The following ANKRD28 variants were observed in gnomAD, a reference collection of about 807,000 sequenced individuals.
The protein encoded by ANKRD28 is serine/threonine-protein phosphatase 6 regulatory ankyrin repeat subunit A.
ANKRD28 carries 44 observed loss-of-function variants against 126.5 expected under a neutral mutation model. The ratio of observed to expected loss-of-function variants is 0.35; its 90% confidence interval spans 0.27 to 0.45. The LOEUF is 0.45. Among genes scored for constraint, ANKRD28 ranks in the 20% least tolerant of loss-of-function variants. ANKRD28 has a pLI of 1.00. For synonymous variants in ANKRD28, 442 were observed against 468.5 expected (o/e 0.94, Z 0.73); for missense variants, 1,110 against 1,316.6 (o/e 0.84, Z 2.43).
intron 3 of ANKRD28, among the ~76,000 whole-genome samples, chr3:15,759,837 T>G (rs2058359112): frequency 6.6e-6 from 1 of 152,220 alleles, no homozygotes; most frequent in Admixed American, 6.5e-5. Context: ...GTGTCCCATT[T>G]GCTCCTTTCT....
chr3:15,787,946 A>G (rs894661700), intron 2 of ANKRD28, among the ~76,000 whole-genome samples: 1 of 152,222 alleles, frequency 6.6e-6, no homozygotes, highest in Non-Finnish European at 1.5e-5. Flanking sequence ...TCAGAAGCCA[A>G]TAAGCAGAAT....
At chr3:15,787,005 T>C (rs766085941) in intron 2 of ANKRD28, among the ~76,000 whole-genome samples, 1 of 152,108 alleles carries the variant, frequency 6.6e-6, no homozygotes, top group Non-Finnish European at 1.5e-5. Flanking sequence ...GATGAAAAGA[T>C]CTCATTTATT....
chr3:15,788,297 T>C (rs978700723), intron 2 of ANKRD28, among the ~76,000 whole-genome samples: 1 of 152,162 alleles, frequency 6.6e-6, no homozygotes, highest in Non-Finnish European at 1.5e-5. Context: ...ATAACTATTT[T>C]AGAGAGAAAC....
rs1300669392 is a variant in ANKRD28 at position 15,839,222 on chromosome 3, C to G, written c.27+20155G>C. ...TTAAATTTACTGAAAACAAATTGCACTCAAGACATTTTATGAATTTTATGG... is the reference window on the plus strand; with the variant it reads ...TTAAATTTACTGAAAACAAATTGCAGTCAAGACATTTTATGAATTTTATGG... On this transcript the variant is annotated intron_variant, in intron 1 of 27. Coordinates refer to the ANKRD28 transcript ENST00000399451. The surrounding 1 kb of genome is among the most constrained non-coding windows in gnomAD (Gnocchi z 4.3). Among the ~76,000 whole-genome samples, 1 of 151,906 alleles carries G rather than the reference C, an allele frequency of 6.6e-6. No homozygotes were observed. The highest frequency in any genetic ancestry group is 1.5e-5 in the Non-Finnish European group (1 of 68,012).
chr3:15,755,242 C>T (rs896795002), intron 3 of ANKRD28, among the ~76,000 whole-genome samples: 4 of 152,158 alleles, frequency 2.6e-5, no homozygotes, highest in African/African-American at 7.2e-5. Flanking sequence ...GAAATCAGGG[C>T]TATATCTGAG....
intron 2 of ANKRD28, among the ~76,000 whole-genome samples, chr3:15,774,380 C>T (rs962835863): frequency 3.3e-5 from 5 of 152,012 alleles, no homozygotes; most frequent in African/African-American, 7.3e-5. Flanking sequence ...AACTTGAATT[C>T]GGAATATATA....
chr3:15,745,670 T>C (rs1025638154), intron 4 of ANKRD28, among the ~76,000 whole-genome samples: 1 of 152,204 alleles, frequency 6.6e-6, no homozygotes, highest in African/African-American at 2.4e-5. Flanking sequence ...TCTTTTTGCT[T>C]AGTCTTGCTT....
chr3:15,859,643 C>T (rs567847712), exon 1 of ANKRD28: 1 of 166,636 alleles, frequency 6.0e-6, no homozygotes, highest in East Asian at 1.7e-4. Flanking sequence ...CCCGCCTCCT[C>T]CTCTGAGGAC....
chr3:15,696,212 A>G lies in ANKRD28; in HGVS notation c.1581T>C (p.Asn527=). ...ATCCTTGCTTATCACGGATCCCTGG[A>G]TTTGCATCGTTTCTTAATAAGTATT... ...CLEYLLRNDA[N]PGIRDKQGYN... is the part of the protein sequence containing the mutation. Residue 527 remains asparagine (N), a synonymous_variant, in exon 15 of 28, where the codon AAT becomes AAC. Transcript: ENST00000683139. The G allele has an allele frequency of 6.3e-7, 1 of 1,590,302 alleles. No individual in the cohort carries two copies. Among genetic ancestry groups the G allele is most frequent in the Non-Finnish European group, 8.6e-7 (1 of 1,166,064 alleles).
At chr3:15,687,201 C>T (rs962823004) in intron 18 of ANKRD28, among the ~76,000 whole-genome samples, 2 of 152,070 alleles carry the variant, frequency 1.3e-5, no homozygotes, top group Non-Finnish European at 2.9e-5. Context: ...CCTCGGCCTC[C>T]CAAAGTGCTG....
At chr3:15,766,674 T>C (rs948614639) in intron 2 of ANKRD28, among the ~76,000 whole-genome samples, 3 of 151,790 alleles carry the variant, frequency 2.0e-5, no homozygotes, top group Admixed American at 6.6e-5. Context: ...CCTGTCTCTA[T>C]TAAAAACAAA....
intron 1 of ANKRD28, among the ~76,000 whole-genome samples, chr3:15,810,560 ATAT>A (rs1350169834): frequency 6.6e-6 from 1 of 152,194 alleles, no homozygotes; most frequent in Non-Finnish European, 1.5e-5. Context: ...ATACTAAAAA[ATAT>A]TATATGGAAT....
In ANKRD28 at chr3:15,814,382, T is replaced by C. The variant is rs1000642922; in HGVS notation, c.28-19076A>G. On this transcript the variant is annotated intron_variant, in intron 1 of 27. Transcript: ENST00000399451. The surrounding 1 kb of genome is among the most constrained non-coding windows in gnomAD (Gnocchi z 4.7). ...AATTAAGGGCTATGTTATTTATAAATAACTAGTACCTTAACAAAACATTGA... is the reference window on the plus strand; with the variant it reads ...AATTAAGGGCTATGTTATTTATAAACAACTAGTACCTTAACAAAACATTGA... 9 of 732,784 alleles carry C rather than the reference T, an allele frequency of 1.2e-5. No individual in the cohort carries two copies. The African/African-American group carries it at 1.7e-4, about 14-fold the overall frequency. The allele number at this position is 732,784 out of a possible 1,614,324, so 45.4% of individuals were successfully genotyped here.
intron 6 of ANKRD28, chr3:15,731,879 G>T (rs1575430575): frequency 1.5e-5 from 2 of 136,476 alleles, no homozygotes; most frequent in Non-Finnish European, 3.1e-5. Context: ...AAAAAAGGGG[G>T]GGGGGGTGTG....
intron 2 of ANKRD28, among the ~76,000 whole-genome samples, chr3:15,793,935 T>C (rs2060151704): frequency 6.6e-6 from 1 of 152,160 alleles, no homozygotes; most frequent in Admixed American, 6.5e-5. Flanking sequence ...TCGGGCGTGG[T>C]GGCAGGTGCC....
chr3:15,782,166 A>T (rs1444337319), intron 2 of ANKRD28, among the ~76,000 whole-genome samples: 1 of 152,100 alleles, frequency 6.6e-6, no homozygotes, highest in East Asian at 1.9e-4. Context: ...TTTCCTCTCA[A>T]TTAGGAGTGA....
At position 15,796,438 on chromosome 3, in the gene ANKRD28, T is replaced by C; in HGVS notation, c.84A>G (p.Lys28=). ...TTCCAGAAGGTGGAGAATGTAGGGA[T>C]TTATTTTCCTGTGGCAATTTAGAAA... ...AFISKLPQEN[K]SLHSPPSGNV... Residue 28 remains lysine, a synonymous_variant, in exon 1 of 28, where the codon AAA becomes AAG. Transcript: ENST00000683139. 7.8e-7 allele frequency: 1 copy of C among 1,288,500 alleles called. No individual in the cohort carries two copies. The highest frequency in any genetic ancestry group is 1.0e-6 in the Non-Finnish European group (1 of 987,988). The allele number at this position is 1,288,500 out of a possible 1,614,324, so 79.8% of individuals were successfully genotyped here.
At chr3:15,808,767 GTTTGTT>G (rs1279651919) in intron 1 of ANKRD28, among the ~76,000 whole-genome samples, 1 of 152,022 alleles carries the variant, frequency 6.6e-6, no homozygotes, top group East Asian at 1.9e-4. Context: ...TTGTTTGTTT[GTTTGTT>G]TTTAATTGTT....
chr3:15,703,401 T>C (rs1005624404), intron 14 of ANKRD28, among the ~76,000 whole-genome samples: 4 of 152,208 alleles, frequency 2.6e-5, no homozygotes, highest in Non-Finnish European at 5.9e-5. Flanking sequence ...GGTGATGTTA[T>C]TAGGAGGTGG....
Sources: gnomAD v4.1 joint callset for allele counts (sites outside exome capture counted in the v4.1 genomes callset) on GRCh38, gnomAD v4.1.1 for gene constraint, Gnocchi (gnomAD v3.1) non-coding constraint, MANE v1.5 for transcripts, NCBI Gene and HGNC (gene_info 2026-07-23, HGNC 2026-07-21) for gene names.